TSGA10: variants seen among roughly 807,000 people sequenced by gnomAD.
TSGA10 encodes the protein testis-specific gene 10 protein.
TSGA10 carries 43 observed loss-of-function variants against 96.6 expected under a neutral mutation model. The observed-to-expected ratio is 0.44, with a 90% CI of 0.35 to 0.57. The LOEUF is 0.57. Among genes scored for constraint, TSGA10 ranks in the 20% least tolerant of loss-of-function variants. The pLI, the probability that TSGA10 is intolerant of heterozygous loss-of-function variation, is 0.01. For synonymous variants in TSGA10, 229 were observed against 269.9 expected (o/e 0.85, Z 1.48); for missense variants, 703 against 834.4 (o/e 0.84, Z 1.94).
intron 17 of TSGA10, among the ~76,000 whole-genome samples, chr2:99,034,468 T>A (rs1417932711): frequency 2.0e-5 from 3 of 152,162 alleles, no homozygotes; most frequent in African/African-American, 7.2e-5. Flanking sequence ...ACCAAAATTT[T>A]CCACTATTTC....
intron 2 of TSGA10, among the ~76,000 whole-genome samples, chr2:99,120,938 T>C (rs2092538729): frequency 6.6e-6 from 1 of 152,212 alleles, no homozygotes. Context: ...TCTTTTGAGA[T>C]TGCTTTCTTT....
At chr2:99,078,909 C>T in intron 11 of TSGA10, 96 bp from the exon 12 acceptor site, 1 of 1,049,704 alleles carries the variant, frequency 9.5e-7, no homozygotes, top group Non-Finnish European at 1.3e-6. Context: ...CTCCTTACTT[C>T]TAATATATAT....
chr2:99,153,246 G>A (rs748685844), intron 1 of TSGA10, among the ~76,000 whole-genome samples: 2 of 152,216 alleles, frequency 1.3e-5, no homozygotes. Flanking sequence ...CTTAGCAAAA[G>A]CACTTTTGCT....
intron 10 of TSGA10, among the ~76,000 whole-genome samples, chr2:99,087,751 G>A (rs893095105): frequency 6.6e-6 from 1 of 151,964 alleles, no homozygotes; most frequent in Non-Finnish European, 1.5e-5. Context: ...CAAAAAACAA[G>A]CCACAGACTA....
intron 16 of TSGA10, among the ~76,000 whole-genome samples, chr2:99,059,740 C>G (rs1021033734): frequency 6.8e-6 from 1 of 148,094 alleles, no homozygotes; most frequent in Non-Finnish European, 1.5e-5. Flanking sequence ...TGGTGAAACC[C>G]CGTTTCTACA....
chr2:99,057,075 T>C (rs1289583903), intron 16 of TSGA10, among the ~76,000 whole-genome samples: 1 of 142,076 alleles, frequency 7.0e-6, no homozygotes, highest in Non-Finnish European at 1.5e-5. Flanking sequence ...ATTTCTTCAG[T>C]GTCATAAAGG....
At chr2:99,089,150 C>T (rs1180337310) in intron 10 of TSGA10, among the ~76,000 whole-genome samples, 2 of 152,146 alleles carry the variant, frequency 1.3e-5, no homozygotes, top group Non-Finnish European at 2.9e-5. Context: ...AGTGAAGGTC[C>T]AGATCACGGG....
intron 20 of TSGA10, among the ~76,000 whole-genome samples, chr2:99,008,452 T>G (rs1249224171): frequency 6.6e-6 from 1 of 152,192 alleles, no homozygotes; most frequent in Non-Finnish European, 1.5e-5. Context: ...TCAACTTCAC[T>G]CACAATAAGA....
At chr2:99,001,589 C>T (rs1240667340) in intron 20 of TSGA10, among the ~76,000 whole-genome samples, 2 of 152,134 alleles carry the variant, frequency 1.3e-5, no homozygotes, top group African/African-American at 2.4e-5. Flanking sequence ...TCCAAAGGAA[C>T]ACAGCTCCCC....
At position 99,118,685 on chromosome 2, in the gene TSGA10, G is replaced by A. The variant is rs953897219; in HGVS notation, c.-490C>T. ...TTTTCTATCACAAAGGTATCCAAAT[G>A]CCTTTAAAGGAAAAAAAAAATTAGA... On this transcript the variant is annotated splice_region_variant and 5_prime_UTR_variant, in exon 3 of 21. Coordinates refer to ENST00000393483, the MANE Select transcript of TSGA10 (RefSeq NM_025244.4). The A allele has an allele frequency of 2.0e-6, 2 of 983,744 alleles. No individual in the cohort carries two copies. Among genetic ancestry groups the A allele is most frequent in the Admixed American group, 6.2e-5 (1 of 16,128 alleles). 60.9% of individuals were successfully genotyped at this position (983,744 alleles called of 1,614,324 possible).
rs948117944 is a variant in TSGA10 at position 99,077,745 on chromosome 2, T to C, written c.882+914A>G. On this transcript the variant is annotated intron_variant, in intron 12 of 20. Transcript: ENST00000393483. ...CCCAGCTAATTTTTTGTATTTTTAA[T>C]AGAGACGGGGGTTTCACTATGTTGG... is the stretch of plus-strand genomic sequence containing the variant. Among the ~76,000 whole-genome samples the C allele has an allele frequency of 9.5e-4, 144 of 151,932 alleles. 1 individual carries two copies. The highest frequency in any genetic ancestry group is 1.1e-3 in the Non-Finnish European group (78 of 67,954).
intron 16 of TSGA10, among the ~76,000 whole-genome samples, chr2:99,037,896 A>T (rs1225623852): frequency 1.3e-5 from 2 of 151,976 alleles, no homozygotes; most frequent in Non-Finnish European, 2.9e-5. Flanking sequence ...GAATCTTAAG[A>T]TCTGTGAGGC....
chr2:99,116,061 T>A (rs1024156085), intron 4 of TSGA10, among the ~76,000 whole-genome samples: 2 of 152,276 alleles, frequency 1.3e-5, no homozygotes, highest in Non-Finnish European at 2.9e-5. Flanking sequence ...AATTGCTTTA[T>A]TATTTGCTAT....
intron 1 of TSGA10, among the ~76,000 whole-genome samples, chr2:99,139,618 TGA>T (rs886855412): frequency 6.6e-6 from 1 of 152,118 alleles, no homozygotes; most frequent in Non-Finnish European, 1.5e-5. Context: ...TGAATAATTC[TGA>T]GAGAGTATTT....
intron 1 of TSGA10, chr2:99,150,669 G>A (rs778098003): frequency 9.9e-6 from 16 of 1,613,848 alleles, no homozygotes; most frequent in Middle Eastern, 1.6e-4. Context: ...TGGAACCAGC[G>A]ACTCAGTTAT....
intron 13 of TSGA10, 23 bp downstream of exon 13, chr2:99,072,995 T>C (rs192320576): frequency 6.3e-7 from 1 of 1,581,506 alleles, no homozygotes; most frequent in East Asian, 2.2e-5. Flanking sequence ...AGAGCTCATA[T>C]ATTTGTTGCA....
At chr2:99,150,797 A>G in intron 1 of TSGA10, 1 of 1,601,558 alleles carries the variant, frequency 6.2e-7, no homozygotes, top group Non-Finnish European at 8.5e-7. Flanking sequence ...GTATATGTCA[A>G]AGAAAGTGAT....
chr2:99,121,387 T>A (rs1364239885), intron 2 of TSGA10, among the ~76,000 whole-genome samples: 1 of 152,188 alleles, frequency 6.6e-6, no homozygotes, highest in Non-Finnish European at 1.5e-5. Flanking sequence ...TGGCCTTAAT[T>A]TGCATTCCCC....
intron 20 of TSGA10, among the ~76,000 whole-genome samples, chr2:99,014,704 G>A (rs2079335003): frequency 6.6e-6 from 1 of 151,946 alleles, no homozygotes; most frequent in Admixed American, 6.6e-5. Context: ...ACAAAAAGCT[G>A]GTTCTTTGAA....
Sources: allele counts gnomAD v4.1 joint callset (sites outside exome capture counted in the v4.1 genomes callset), GRCh38; gene constraint gnomAD v4.1.1; transcripts MANE v1.5; gene names NCBI Gene and HGNC (gene_info 2026-07-23, HGNC 2026-07-21).